The following RTF2 variants were observed in gnomAD, a reference collection of about 807,000 sequenced individuals.
RTF2 encodes UPF0549 protein C20orf43.
A neutral mutation model predicts 38.0 loss-of-function variants in RTF2; 18 were observed. That is an observed-to-expected ratio of 0.47 (90% CI 0.33 to 0.70). RTF2 has a LOEUF of 0.70. Among genes scored for constraint, RTF2 ranks in the 30% least tolerant of loss-of-function variants. RTF2 has a pLI of 0.02. For missense variants in RTF2, 311 were observed against 379.6 expected, an observed-to-expected ratio of 0.82 and a Z score of 1.50; for synonymous variants, 126 against 137.1, an observed-to-expected ratio of 0.92 and a Z score of 0.57.
At chr20:56,485,865 A>G (rs1982770214) in intron 5 of RTF2, among the ~76,000 whole-genome samples, 1 of 152,172 alleles carries the variant, frequency 6.6e-6, no homozygotes, top group African/African-American at 2.4e-5. Context: ...GAGACATCAC[A>G]CTCTATTTTG....
At chr20:56,506,979 C>T (rs977987104) in intron 5 of RTF2, among the ~76,000 whole-genome samples, 6 of 152,136 alleles carry the variant, frequency 3.9e-5, no homozygotes, top group Non-Finnish European at 7.4e-5. Flanking sequence ...GGATTACAGG[C>T]GTGAGCCACC....
At chr20:56,511,958 G>T (rs1294944351) in intron 5 of RTF2, among the ~76,000 whole-genome samples, 3 of 151,906 alleles carry the variant, frequency 2.0e-5, no homozygotes, top group Non-Finnish European at 4.4e-5. Flanking sequence ...TCAGCCTCCC[G>T]AGTAGCTGGG....
chr20:56,483,675 TG>T (rs1982638513), intron 4 of RTF2, among the ~76,000 whole-genome samples: 1 of 152,174 alleles, frequency 6.6e-6, no homozygotes, highest in South Asian at 2.1e-4. Context: ...TGATGTGTCC[TG>T]GTTTCAAAAG....
intron 8 of RTF2, 137 bp from the exon 9 acceptor site, chr20:56,517,950 A>G (rs543466062): frequency 3.8e-6 from 3 of 779,484 alleles, no homozygotes; most frequent in South Asian, 3.5e-5. Flanking sequence ...GGCAATTAAG[A>G]TGACGTCCGC....
rs1260037032 is a variant in RTF2 at position 56,491,743 on chromosome 20, G to A, written c.477+7554G>A. 3 of 1,552,078 alleles carry A rather than the reference G, an allele frequency of 1.9e-6. No individual in the cohort carries two copies. In the South Asian group the frequency reaches 3.6e-5, roughly 18 times the overall value. ...AAGGCGACTGAATGAGCCACGGCAGGTCTCCTGGTCCGTATACGCAGATGT... is the reference window on the plus strand; with the variant it reads ...AAGGCGACTGAATGAGCCACGGCAGATCTCCTGGTCCGTATACGCAGATGT... On this transcript the variant is annotated intron_variant, in intron 5 of 8. Coordinates refer to ENST00000357348, the MANE Select transcript of RTF2 (RefSeq NM_016407.5).
At chr20:56,476,797 C>T (rs6024903) in intron 3 of RTF2, among the ~76,000 whole-genome samples, 188 bp from the exon 4 acceptor site, 49,563 of 152,018 alleles carry the variant, frequency 0.33, 8,797 homozygotes, top group East Asian at 0.64. Context: ...CCACACCCGG[C>T]CTTGTTTTCT....
chr20:56,471,218 TA>T (rs1325337248), intron 1 of RTF2, among the ~76,000 whole-genome samples: 1 of 152,330 alleles, frequency 6.6e-6, no homozygotes, highest in East Asian at 1.9e-4. Context: ...GAAAATCCCA[TA>T]CATTTTGTCC....
rs757776729 is a variant in RTF2, at chr20:56,494,487, A to G, written c.477+10298A>G. ...TTTACTGACTAGTCCTGACAAACCC[A>G]AGTGTGTAATGACAGGGAGCCCCTG... is the stretch of plus-strand genomic sequence containing the variant. On this transcript the variant is annotated intron_variant, in intron 5 of 8. Coordinates refer to ENST00000357348, the MANE Select transcript of RTF2 (RefSeq NM_016407.5). Among the ~76,000 whole-genome samples the G allele has an allele frequency of 2.5e-4, 38 of 152,162 alleles. 1 individual carries two copies. Among genetic ancestry groups the G allele is most frequent in the Non-Finnish European group, 4.9e-4 (33 of 68,032 alleles).
At chr20:56,512,833 T>A (rs918765682) in intron 5 of RTF2, among the ~76,000 whole-genome samples, 1 of 152,188 alleles carries the variant, frequency 6.6e-6, no homozygotes, top group Non-Finnish European at 1.5e-5. Flanking sequence ...AAGTGAATAC[T>A]TCCCCCCGCA....
intron 5 of RTF2, among the ~76,000 whole-genome samples, chr20:56,488,264 G>A (rs1982898974): frequency 6.6e-6 from 1 of 152,090 alleles, no homozygotes; most frequent in Non-Finnish European, 1.5e-5. Context: ...AGGAGACTGA[G>A]GCAGGAGAAT....
chr20:56,476,955 A>G, intron 3 of RTF2, 30 bp from the exon 4 acceptor site: 1 of 1,610,538 alleles, frequency 6.2e-7, no homozygotes, highest in Non-Finnish European at 8.5e-7. Context: ...TTATCAAATG[A>G]ATTGTTAAAA....
At chr20:56,484,421 C>T (rs1982679205) in intron 5 of RTF2, among the ~76,000 whole-genome samples, 1 of 152,212 alleles carries the variant, frequency 6.6e-6, no homozygotes, top group African/African-American at 2.4e-5. Flanking sequence ...TGTGCTGCTG[C>T]CTCAGTTTCC....
intron 2 of RTF2, among the ~76,000 whole-genome samples, chr20:56,474,087 A>G (rs934897080): frequency 2.6e-5 from 4 of 152,216 alleles, no homozygotes; most frequent in Non-Finnish European, 5.9e-5. Context: ...TTTTTTAAAA[A>G]AAGAAGAAAT....
chr20:56,479,216 T>G (rs965206894), intron 4 of RTF2, among the ~76,000 whole-genome samples: 2 of 151,226 alleles, frequency 1.3e-5, no homozygotes, highest in Non-Finnish European at 3.0e-5. Flanking sequence ...AGATTTTTTT[T>G]GTTTGTTTTT....
At chr20:56,476,930 C>T in intron 3 of RTF2, 55 bp from the exon 4 acceptor site, 1 of 1,581,016 alleles carries the variant, frequency 6.3e-7, no homozygotes. Flanking sequence ...GTGGTTAAGG[C>T]AAAGGATGAT....
chr20:56,477,212 T>C (rs1412142560), intron 4 of RTF2, 88 bp downstream of exon 4: 5 of 1,497,692 alleles, frequency 3.3e-6, no homozygotes, highest in African/African-American at 1.4e-5. Flanking sequence ...TTAGCAGTCA[T>C]GTGGCTTGCT....
At chr20:56,507,100 A>G (rs193240382) in intron 5 of RTF2, among the ~76,000 whole-genome samples, 7 of 152,312 alleles carry the variant, frequency 4.6e-5, no homozygotes, top group Admixed American at 1.3e-4. Flanking sequence ...TATAATTTCT[A>G]CCGTACAATA....
At chr20:56,507,444 G>A (rs1323511521) in intron 5 of RTF2, among the ~76,000 whole-genome samples, 6 of 152,084 alleles carry the variant, frequency 3.9e-5, no homozygotes, top group Non-Finnish European at 5.9e-5. Flanking sequence ...TGGTGTTAAT[G>A]GATCTTTTGA....
At chr20:56,504,865 T>C (rs1984162575) in intron 5 of RTF2, among the ~76,000 whole-genome samples, 1 of 152,232 alleles carries the variant, frequency 6.6e-6, no homozygotes, top group African/African-American at 2.4e-5. Flanking sequence ...CAGATTCTCT[T>C]CACCTGCTCA....
Sources: allele counts gnomAD v4.1 joint callset (sites outside exome capture counted in the v4.1 genomes callset), GRCh38; gene constraint gnomAD v4.1.1; transcripts MANE v1.5; gene names NCBI Gene and HGNC (gene_info 2026-07-23, HGNC 2026-07-21).